SMG5: variants seen among roughly 807,000 people sequenced by gnomAD.
SMG5 encodes the protein nonsense-mediated mRNA decay factor SMG5.
A neutral mutation model predicts 122.9 loss-of-function variants in SMG5; 53 were observed. The observed-to-expected ratio is 0.43, with a 90% CI of 0.35 to 0.54. The LOEUF is 0.54. Ranked by LOEUF, SMG5 falls within the 20% of genes least tolerant of loss-of-function variation. SMG5 has a pLI of 0.01. For synonymous variants in SMG5, 477 were observed against 490.2 expected (o/e 0.97, Z 0.35); for missense variants, 1,153 against 1,285.6 (o/e 0.90, Z 1.58).
intron 4 of SMG5, among the ~76,000 whole-genome samples, chr1:156,275,943 TAGC>T (rs1313127275): frequency 4.6e-5 from 7 of 151,970 alleles, no homozygotes; most frequent in Admixed American, 4.6e-4. Context: ...GCCTTCCATG[TAGC>T]TAGGACAACA....
At chr1:156,252,628 T>C (rs1572571121) in intron 18 of SMG5, 124 bp from the exon 19 acceptor site, 7 of 1,005,584 alleles carry the variant, frequency 7.0e-6, no homozygotes, top group South Asian at 6.2e-5. Flanking sequence ...CCTGGCTCCC[T>C]AGAGGGCTCC....
In SMG5 at chr1:156,282,649, C is replaced by G. The variant is rs750657431; in HGVS notation, c.32G>C (p.Ser11Thr). ...GTGGAGGACTTTTGCTTCGGGCTCG[C>G]TGCTCTCCCCTGTGGGGGGGCCTTG... Reference protein sequence around the residue: MSQGPPTGESSEPEAKVLHTK... With the variant: MSQGPPTGESTEPEAKVLHTK... The change falls in exon 1 of 22, where the codon AGC becomes ACC. Residue 11 changes from serine (S) to threonine (T), a missense_variant. By Grantham distance (58) the Ser-to-Thr change is moderately conservative. Coordinates refer to ENST00000361813, the MANE Select transcript of SMG5 (RefSeq NM_015327.3). 10 of 1,607,742 alleles carry G rather than the reference C, an allele frequency of 6.2e-6. No individual in the cohort carries two copies. The highest frequency in any genetic ancestry group is 1.7e-5 in the Admixed American group (1 of 59,960).
intron 12 of SMG5, 145 bp downstream of exon 12, chr1:156,265,636 A>T: frequency 8.1e-7 from 1 of 1,242,206 alleles, no homozygotes; most frequent in Middle Eastern, 2.6e-4. Context: ...TCAGGAAAAA[A>T]CTCATGGGCT....
At chr1:156,291,307 C>A in the SMG5 span, 1 of 1,348,790 alleles carries the variant, frequency 7.4e-7, no homozygotes, top group South Asian at 1.2e-5. Context: ...CCTATCTACT[C>A]CCCCCACCGT....
rs912020011 is a variant in SMG5, at chr1:156,273,232, G to C, written c.634+129C>G. 30 of 719,988 alleles carry C rather than the reference G, an allele frequency of 4.2e-5. No homozygotes were observed. The African/African-American group carries it at 4.2e-4, about 10-fold the overall frequency. 44.6% of individuals were successfully genotyped at this position (719,988 alleles called of 1,614,324 possible). ...AAGAGGGAAAAGGTATAAACAAGGT[G>C]AAGTACGAGAGAGCTGAGAATGAAG... On this transcript the variant is annotated intron_variant, in intron 6 of 21. Transcript: ENST00000361813.
At chr1:156,268,000 C>T (rs1662232381) in intron 9 of SMG5, 115 bp downstream of exon 9, 2 of 1,087,932 alleles carry the variant, frequency 1.8e-6, no homozygotes, top group East Asian at 4.7e-5. Context: ...GAATTGGTTA[C>T]GGATGTTCAA....
At chr1:156,284,951 C>A (rs183024186), upstream of SMG5, among the ~76,000 whole-genome samples, 5 of 152,222 alleles carry the variant, frequency 3.3e-5, no homozygotes, top group African/African-American at 9.6e-5. Flanking sequence ...CCTTGACTCA[C>A]CCTCTCCTGT....
intron 7 of SMG5, among the ~76,000 whole-genome samples, chr1:156,271,522 G>C (rs561574282): frequency 6.7e-6 from 1 of 149,816 alleles, no homozygotes; most frequent in South Asian, 2.1e-4. Flanking sequence ...CTTGTATGGC[G>C]ACTCAATACC....
intron 1 of SMG5, among the ~76,000 whole-genome samples, chr1:156,282,304 C>T (rs1662986997): frequency 6.6e-6 from 1 of 152,122 alleles, no homozygotes; most frequent in Admixed American, 6.6e-5. Flanking sequence ...ACCTACCCAA[C>T]CCTTCCAGCC....
At chr1:156,285,590 C>A (rs767764059), upstream of SMG5, 5 of 1,614,226 alleles carry the variant, frequency 3.1e-6, no homozygotes, top group Non-Finnish European at 4.2e-6. Context: ...CAACCTGCTG[C>A]CTGAGAAAGC....
At chr1:156,286,304 C>T (rs143363559), upstream of SMG5, 41 of 1,614,132 alleles carry the variant, frequency 2.5e-5, no homozygotes, top group East Asian at 6.7e-5. Flanking sequence ...TTCTGCCCTT[C>T]GGCCCTTTGG....
At chr1:156,256,191 T>C (rs1377044416) in intron 16 of SMG5, among the ~76,000 whole-genome samples, 2 of 151,934 alleles carry the variant, frequency 1.3e-5, no homozygotes, top group African/African-American at 4.8e-5. Flanking sequence ...CCCTGCAGAG[T>C]CCTGCACAAC....
the SMG5 span, among the ~76,000 whole-genome samples, chr1:156,288,759 C>T: frequency 6.6e-6 from 1 of 152,204 alleles, no homozygotes; most frequent in Admixed American, 6.5e-5. Context: ...GTTGTCCCAC[C>T]AGCCTCCTGA....
Position 156,249,880 on chromosome 1 carries a change from G to A in SMG5, c.*707C>T. On this transcript the variant is annotated 3_prime_UTR_variant, in exon 22 of 22. Transcript: ENST00000361813. ...GGCCAGACTGCCTGCAGCCCTAGGTGGGGCCTGCTCCCTGCCCTGGAAGCT... is the reference window on the plus strand; with the variant it reads ...GGCCAGACTGCCTGCAGCCCTAGGTAGGGCCTGCTCCCTGCCCTGGAAGCT... 2.1e-6 allele frequency: 1 copy of A among 471,246 alleles called. No homozygotes were observed. Among genetic ancestry groups the A allele is most frequent in the Non-Finnish European group, 4.4e-6 (1 of 227,062 alleles). 29.2% of individuals were successfully genotyped at this position (471,246 alleles called of 1,614,324 possible). A position where few individuals can be genotyped will look rare whatever the true frequency, so the allele number is the denominator to read the frequency against.
chr1:156,263,618 A>C (rs372534316), intron 12 of SMG5, 48 bp from the exon 13 acceptor site: 13 of 1,585,614 alleles, frequency 8.2e-6, no homozygotes, highest in Admixed American at 6.8e-5. Flanking sequence ...TAAACAACTG[A>C]CACTTGGGAA....
chr1:156,278,874 G>A, intron 2 of SMG5, 62 bp downstream of exon 2: 2 of 1,379,672 alleles, frequency 1.4e-6, no homozygotes, highest in East Asian at 2.3e-5. Context: ...TATCTGAGAA[G>A]GTTTCTGGTA....
the SMG5 span, chr1:156,291,413 G>C: frequency 6.2e-7 from 1 of 1,613,968 alleles, no homozygotes. Flanking sequence ...CTTTGCCGTG[G>C]GCCGCTCCTT....
chr1:156,286,383 ACTT>A (rs1200546135), upstream of SMG5: 18 of 1,613,870 alleles, frequency 1.1e-5, 1 homozygote, highest in African/African-American at 1.6e-4. Context: ...TTTATTCTCT[ACTT>A]CTTCAACCTG....
upstream of SMG5, chr1:156,285,456 C>T (rs140378780): frequency 5.9e-5 from 95 of 1,614,028 alleles, no homozygotes; most frequent in East Asian, 1.2e-3. Context: ...GCCACCTTGC[C>T]CTGGGGGACT....
Sources: allele counts gnomAD v4.1 joint callset (sites outside exome capture counted in the v4.1 genomes callset), GRCh38; gene constraint gnomAD v4.1.1; transcripts MANE v1.5; gene names NCBI Gene and HGNC (gene_info 2026-07-23, HGNC 2026-07-21).